S100PBP: variants seen among roughly 807,000 people sequenced by gnomAD.
S100PBP encodes the protein S100P-binding protein.
In S100PBP, 15 loss-of-function variants were observed where a neutral mutation model predicts 39.9. That is an observed-to-expected ratio of 0.38 (90% CI 0.25 to 0.58). The LOEUF (loss-of-function observed/expected upper bound fraction) is 0.58, where lower values mean the gene tolerates loss of function less well. Among genes scored for constraint, S100PBP ranks in the 20% least tolerant of loss-of-function variants. The probability of loss-of-function intolerance (pLI) is 0.70; values close to 1 mark genes in which losing one functional copy is unlikely to be tolerated. For synonymous variants in S100PBP, 178 were observed against 180.3 expected, an observed-to-expected ratio of 0.99 and a Z score of 0.10; for missense variants, 504 against 487.3, an observed-to-expected ratio of 1.03 and a Z score of -0.32.
At chr1:32,817,618 G>A, upstream of S100PBP, 1 of 344,066 alleles carries the variant, frequency 2.9e-6, no homozygotes, top group Non-Finnish European at 5.5e-6. Flanking sequence ...GGTCGGGGAG[G>A]GGGCGATAAA....
intron 5 of S100PBP, chr1:32,836,657 T>C: frequency 2.5e-6 from 2 of 801,578 alleles, no homozygotes; most frequent in Non-Finnish European, 1.5e-6. Flanking sequence ...TAGAGCCTTC[T>C]GTTCTACTGC....
chr1:32,842,221 G>GTA (rs373787383), intron 5 of S100PBP, among the ~76,000 whole-genome samples: 190 of 91,746 alleles, frequency 2.1e-3, no homozygotes, highest in African/African-American at 4.2e-3. Context: ...ATATATATAT[G>GTA]TATATATATA....
At chr1:32,842,022 C>A (rs1320468292) in intron 5 of S100PBP, among the ~76,000 whole-genome samples, 1 of 147,604 alleles carries the variant, frequency 6.8e-6, no homozygotes, top group Non-Finnish European at 1.5e-5. Context: ...TTGCCTCTAC[C>A]AAAAAAAAAT....
intron 2 of S100PBP, 25 bp from the exon 3 acceptor site, chr1:32,826,073 G>A (rs754984799): frequency 1.3e-6 from 2 of 1,531,622 alleles, no homozygotes; most frequent in Admixed American, 1.9e-5. Context: ...CTCTTCCTCA[G>A]TGAAATTGTC....
Position 32,857,698 on chromosome 1 carries a change from G to A in S100PBP, c.*1660G>A, listed in dbSNP as rs911730026. On this transcript the variant is annotated 3_prime_UTR_variant, in exon 7 of 7. Coordinates refer to ENST00000373475, the MANE Select transcript of S100PBP (RefSeq NM_022753.4). ...TGTGCTATTGTTCATTCTCTGTGAA[G>A]GCTGTTCATAGTTGCTATAGCCTGT... The A allele has an allele frequency of 2.6e-5, 4 of 152,190 alleles. No homozygotes were observed. Among genetic ancestry groups the A allele is most frequent in the Non-Finnish European group, 5.9e-5 (4 of 68,052 alleles). The allele number at this position is 152,190 out of a possible 1,614,324, so 9.4% of individuals were successfully genotyped here.
chr1:32,841,583 G>T (rs1016719253), intron 5 of S100PBP, among the ~76,000 whole-genome samples: 3 of 151,834 alleles, frequency 2.0e-5, no homozygotes, highest in Admixed American at 1.3e-4. Flanking sequence ...TACAAAATTA[G>T]CTGGGCGTAG....
upstream of S100PBP, chr1:32,816,794 T>C (rs1005667865): frequency 1.8e-5 from 5 of 282,094 alleles, no homozygotes; most frequent in Non-Finnish European, 2.8e-5. Context: ...GCTCCCAGTA[T>C]AGCATCTTCC....
At chr1:32,817,528 T>G, upstream of S100PBP, 1 of 577,812 alleles carries the variant, frequency 1.7e-6, no homozygotes, top group Non-Finnish European at 3.1e-6. Flanking sequence ...ACAACCCTCC[T>G]AGAGGCGGGA....
At position 32,857,157 on chromosome 1, in the gene S100PBP, G is replaced by A. The variant is rs1287502523; in HGVS notation, c.*1119G>A. ...GGATGTTACCATCTCATTTGGTCAA[G>A]CCCCTGATACCTAGTTTCACATGGA... On this transcript the variant is annotated 3_prime_UTR_variant, in exon 7 of 7. Transcript: ENST00000373475. The A allele has an allele frequency of 6.6e-6, 1 of 152,166 alleles. No individual in the cohort carries two copies. Among genetic ancestry groups the A allele is most frequent in the African/African-American group, 2.4e-5 (1 of 41,450 alleles). 9.4% of individuals were successfully genotyped at this position (152,166 alleles called of 1,614,324 possible). A position where few individuals can be genotyped will look rare whatever the true frequency, so the allele number is the denominator to read the frequency against.
chr1:32,826,697 A>G lies in S100PBP; in HGVS notation c.598A>G (p.Ile200Val), dbSNP rs774377649. 2 of 1,614,154 alleles carry G rather than the reference A, an allele frequency of 1.2e-6. No individual in the cohort carries two copies. The highest frequency in any genetic ancestry group is 1.6e-4 in the Middle Eastern group (1 of 6,062). Residue 200 changes from isoleucine to valine, a missense_variant, in exon 3 of 7, where the codon ATC (isoleucine) becomes GTC (valine). Ile to Val is a conservative substitution (Grantham distance 29). Transcript: ENST00000373475. ...CAAACTTTGTACTGAATCTGAAGGGATCAGCCCCAATAACTCTGCCTGGAA... is the reference window on the plus strand; with the variant it reads ...CAAACTTTGTACTGAATCTGAAGGGGTCAGCCCCAATAACTCTGCCTGGAA... ...ESKLCTESEG[I>V]SPNNSAWNGP...
In S100PBP at chr1:32,826,463, T is replaced by C; in HGVS notation, c.364T>C (p.Ser122Pro). 6.2e-7 allele frequency: 1 copy of C among 1,614,090 alleles called. No homozygotes were observed. Among genetic ancestry groups the C allele is most frequent in the Non-Finnish European group, 8.5e-7 (1 of 1,180,010 alleles). ...DLFKLPQLST[S>P]SGHGPAHTKP... is the part of the protein sequence containing the mutation. ...CTTCAAACTACCTCAGCTAAGTACA[T>C]CAAGTGGTCATGGACCAGCTCATAC... The change falls in exon 3 of 7, where the codon TCA becomes CCA. Residue 122 changes from serine to proline, a missense_variant. Physicochemically the swap from Ser to Pro is moderately conservative, Grantham distance 74. Transcript: ENST00000373475.
rs1197362462 is a variant in S100PBP at position 32,856,370 on chromosome 1, C to G, written c.*332C>G. 1 of 168,598 alleles carries G rather than the reference C, an allele frequency of 5.9e-6. No homozygotes were observed. Among genetic ancestry groups the G allele is most frequent in the Non-Finnish European group, 1.3e-5 (1 of 77,876 alleles). 10.4% of individuals were successfully genotyped at this position (168,598 alleles called of 1,614,324 possible). ...ACCCAGGTTCAAGCAAAAGACCCACCTCTCTGCAGAGGCAAAGTCTACTTT... is the reference window on the plus strand; with the variant it reads ...ACCCAGGTTCAAGCAAAAGACCCACGTCTCTGCAGAGGCAAAGTCTACTTT... On this transcript the variant is annotated 3_prime_UTR_variant, in exon 7 of 7. Transcript: ENST00000373475.
chr1:32,824,724 CGCT>C (rs943181857), intron 1 of S100PBP, among the ~76,000 whole-genome samples: 7 of 151,166 alleles, frequency 4.6e-5, no homozygotes, highest in African/African-American at 1.5e-4. Context: ...CACCATGCGC[CGCT>C]GATTTTTCTG....
intron 5 of S100PBP, among the ~76,000 whole-genome samples, chr1:32,838,491 C>G (rs890267504): frequency 3.9e-5 from 6 of 152,094 alleles, no homozygotes; most frequent in Admixed American, 1.3e-4. Flanking sequence ...TTTCCCCCAA[C>G]TTTTTAATTA....
rs905495209 is a variant in S100PBP at position 32,844,827 on chromosome 1, A to G, written c.1025-8252A>G. On this transcript the variant is annotated intron_variant, in intron 5 of 6. Transcript: ENST00000373475. ...GAGAGATATATATCTCTATATATCT[A>G]TATATATATATCTTTTTTTGAGATG... is the stretch of plus-strand genomic sequence containing the variant. Among the ~76,000 whole-genome samples, 3 of 150,572 alleles carry G rather than the reference A, an allele frequency of 2.0e-5. 1 individual carries two copies. Among genetic ancestry groups the G allele is most frequent in the African/African-American group, 7.3e-5 (3 of 41,090 alleles).
At chr1:32,825,731 A>G (rs541571268) in intron 2 of S100PBP, among the ~76,000 whole-genome samples, 22 of 152,174 alleles carry the variant, frequency 1.4e-4, no homozygotes, top group Non-Finnish European at 3.1e-4. Context: ...ACATCCATGT[A>G]TATATATATG....
chr1:32,848,460 G>C (rs1197649127), intron 5 of S100PBP, among the ~76,000 whole-genome samples: 3 of 152,068 alleles, frequency 2.0e-5, no homozygotes, highest in African/African-American at 7.2e-5. Context: ...GTTCTCTCTT[G>C]TTCTCATTAC....
chr1:32,841,029 C>T (rs986380904), intron 5 of S100PBP, among the ~76,000 whole-genome samples: 3 of 151,756 alleles, frequency 2.0e-5, no homozygotes, highest in Non-Finnish European at 4.4e-5. Flanking sequence ...GGCATGGTGG[C>T]GGGTGCCTGT....
chr1:32,817,136 GA>G (rs1638767958), upstream of S100PBP: 18 of 1,609,100 alleles, frequency 1.1e-5, no homozygotes, highest in South Asian at 2.0e-4. Flanking sequence ...CAAAATCACT[GA>G]ACCTCGGGCT....
Sources: gnomAD v4.1 joint callset for allele counts (sites outside exome capture counted in the v4.1 genomes callset) on GRCh38, gnomAD v4.1.1 for gene constraint, MANE v1.5 for transcripts, NCBI Gene and HGNC (gene_info 2026-07-23, HGNC 2026-07-21) for gene names.